RCAN2: variants seen among roughly 807,000 people sequenced by gnomAD.
RCAN2 encodes the protein regulator of calcineurin 2, also known as calcipressin-2.
RCAN2 carries 9 observed loss-of-function variants against 23.6 expected under a neutral mutation model. The ratio of observed to expected loss-of-function variants is 0.38; its 90% CI spans 0.23 to 0.67. RCAN2 has a LOEUF of 0.67. Among genes scored for constraint, RCAN2 ranks in the 30% least tolerant of loss-of-function variants. The probability of loss-of-function intolerance (pLI) is 0.51; values close to 1 mark genes in which losing one functional copy is unlikely to be tolerated. For synonymous variants in RCAN2, 109 were observed against 115.7 expected (o/e 0.94, Z 0.37); for missense variants, 273 against 302.3 (o/e 0.90, Z 0.72).
chr6:46,382,906 C>G (rs543183560), intron 2 of RCAN2, among the ~76,000 whole-genome samples: 2 of 152,166 alleles, frequency 1.3e-5, no homozygotes, highest in Non-Finnish European at 2.9e-5. Flanking sequence ...CCGATAGTTA[C>G]AGGCACAGAA....
chr6:46,480,811 A>C (rs1294766684), intron 1 of RCAN2, among the ~76,000 whole-genome samples: 1 of 152,118 alleles, frequency 6.6e-6, no homozygotes, highest in Non-Finnish European at 1.5e-5. Context: ...TTTAGTAGAG[A>C]CAGGGTTTCA....
chr6:46,491,656 G>GC (rs1223487082), upstream of RCAN2, among the ~76,000 whole-genome samples: 1 of 150,492 alleles, frequency 6.6e-6, no homozygotes, highest in South Asian at 2.1e-4. Flanking sequence ...CCTCAGCCCC[G>GC]CACCCCCTCC....
chr6:46,403,014 G>C (rs1479079055), intron 2 of RCAN2, among the ~76,000 whole-genome samples: 2 of 151,764 alleles, frequency 1.3e-5, no homozygotes, highest in African/African-American at 4.8e-5. Flanking sequence ...ACCCAGGCTG[G>C]AGTGCAGTAG....
intron 2 of RCAN2, among the ~76,000 whole-genome samples, chr6:46,391,484 A>G (rs1272289754): frequency 1.3e-5 from 2 of 152,164 alleles, no homozygotes; most frequent in East Asian, 1.9e-4. Context: ...AGCTGCACAT[A>G]GATAGGGCAA....
chr6:46,474,417 C>T (rs1290192596), intron 1 of RCAN2, among the ~76,000 whole-genome samples: 1 of 152,000 alleles, frequency 6.6e-6, no homozygotes, highest in Non-Finnish European at 1.5e-5. Flanking sequence ...TAGGTAAAGG[C>T]CAGCAATGAG....
At chr6:46,240,313 G>C (rs1489516461) in intron 4 of RCAN2, among the ~76,000 whole-genome samples, 1 of 150,744 alleles carries the variant, frequency 6.6e-6, no homozygotes, top group Non-Finnish European at 1.5e-5. Context: ...CCCATTTTTT[G>C]GTCATATGTC....
intron 2 of RCAN2, among the ~76,000 whole-genome samples, chr6:46,330,929 C>G (rs1160733779): frequency 6.6e-6 from 1 of 152,130 alleles, no homozygotes; most frequent in Non-Finnish European, 1.5e-5. Flanking sequence ...TGGCAAGACT[C>G]CTTCCTAGAT....
intron 2 of RCAN2, among the ~76,000 whole-genome samples, chr6:46,450,394 C>A (rs1767841792): frequency 6.6e-6 from 1 of 151,936 alleles, no homozygotes; most frequent in Non-Finnish European, 1.5e-5. Flanking sequence ...GAGTTTCCTC[C>A]AAAAACTAAA....
chr6:46,378,859 C>T (rs2150392599), intron 2 of RCAN2, among the ~76,000 whole-genome samples: 1 of 152,304 alleles, frequency 6.6e-6, no homozygotes. Flanking sequence ...AACTAATTGG[C>T]TTGTGATACT....
At chr6:46,314,719 T>G (rs549717094) in intron 2 of RCAN2, among the ~76,000 whole-genome samples, 3 of 152,150 alleles carry the variant, frequency 2.0e-5, no homozygotes, top group Non-Finnish European at 4.4e-5. Context: ...TTTAAAGAAA[T>G]GGGTTCTGAG....
At chr6:46,372,208 C>A (rs144338705) in intron 2 of RCAN2, among the ~76,000 whole-genome samples, 2 of 152,316 alleles carry the variant, frequency 1.3e-5, no homozygotes, top group African/African-American at 4.8e-5. Flanking sequence ...ATGACAGCAA[C>A]AATCGTATTT....
intron 2 of RCAN2, among the ~76,000 whole-genome samples, chr6:46,301,960 A>T (rs1166094984): frequency 6.6e-6 from 1 of 152,082 alleles, no homozygotes; most frequent in Admixed American, 6.6e-5. Context: ...TGCATAAAGT[A>T]ACATAACCCA....
At chr6:46,396,455 A>C (rs1197755287) in intron 2 of RCAN2, among the ~76,000 whole-genome samples, 1 of 152,174 alleles carries the variant, frequency 6.6e-6, no homozygotes, top group Non-Finnish European at 1.5e-5. Flanking sequence ...TCATTTATTC[A>C]AAAGACCCGT....
In RCAN2 at chr6:46,456,827, A is replaced by G. The variant is rs1159592062; in HGVS notation, c.150T>C (p.Thr50=). Residue 50 remains threonine (T), a synonymous_variant, in exon 2 of 5, where the codon ACT becomes ACC. Transcript: ENST00000371374. ...CFAEEAFQAI[T]DFNDLPNSLF... ...ACGAGTTGGGGAGGTCATTGAAGTC[A>G]GTGATTGCTTGAAAGGCTTCTTCTG... 1.3e-6 allele frequency: 2 copies of G among 1,550,666 alleles called. No homozygotes were observed. Among genetic ancestry groups the G allele is most frequent in the Non-Finnish European group, 1.7e-6 (2 of 1,147,036 alleles).
intron 1 of RCAN2, among the ~76,000 whole-genome samples, chr6:46,489,336 C>T (rs1769075893): frequency 6.6e-6 from 1 of 152,218 alleles, no homozygotes; most frequent in South Asian, 2.1e-4. Context: ...ATTTTCTTCT[C>T]CTTTTCTGCT....
intron 2 of RCAN2, among the ~76,000 whole-genome samples, chr6:46,322,211 T>C (rs922782632): frequency 2.0e-5 from 3 of 152,218 alleles, no homozygotes; most frequent in African/African-American, 7.2e-5. Flanking sequence ...AATATGAGAA[T>C]ACTGGAGAAC....
chr6:46,289,974 C>T (rs1229275577), intron 2 of RCAN2, among the ~76,000 whole-genome samples: 4 of 152,130 alleles, frequency 2.6e-5, no homozygotes, highest in African/African-American at 9.7e-5. Flanking sequence ...GTTTTTCATT[C>T]CCCAAGGTTG....
intron 4 of RCAN2, among the ~76,000 whole-genome samples, chr6:46,242,128 T>G (rs923137214): frequency 6.6e-6 from 1 of 152,182 alleles, no homozygotes. Context: ...CTTAAATATT[T>G]CAAAGGATTT....
chr6:46,277,526 C>CT (rs1388938025), intron 2 of RCAN2, among the ~76,000 whole-genome samples: 4 of 152,040 alleles, frequency 2.6e-5, no homozygotes, highest in Non-Finnish European at 5.9e-5. Flanking sequence ...AAATAAATCA[C>CT]TTTCTTCGAA....
Sources: allele counts gnomAD v4.1 joint callset (sites outside exome capture counted in the v4.1 genomes callset), GRCh38; gene constraint gnomAD v4.1.1; transcripts MANE v1.5; gene names NCBI Gene and HGNC (gene_info 2026-07-23, HGNC 2026-07-21).